The following C1orf141 variants were observed in gnomAD, a reference collection of about 807,000 sequenced individuals.
C1orf141 encodes the protein uncharacterized protein C1orf141.
C1orf141 carries 19 observed loss-of-function variants against 23.2 expected under a neutral mutation model. The observed-to-expected ratio is 0.82, with a 90% CI of 0.57 to 1.20. The LOEUF (loss-of-function observed/expected upper bound fraction) is 1.20. C1orf141 is among the 50% of genes most tolerant of loss of function. The probability of loss-of-function intolerance (pLI) is 0.00; values close to 1 mark genes in which losing one functional copy is unlikely to be tolerated. For synonymous variants in C1orf141, 153 were observed against 154.6 expected (o/e 0.99, Z 0.08); for missense variants, 469 against 455.1 (o/e 1.03, Z -0.28).
chr1:67,095,540 C>T, intron 6 of C1orf141, 119 bp from the exon 7 acceptor site: 1 of 584,888 alleles, frequency 1.7e-6, no homozygotes, highest in Admixed American at 3.6e-5. Flanking sequence ...CTCTCTCCCA[C>T]AGACTTTTCA....
chr1:67,140,825 A>T (rs969825365), intron 1 of C1orf141, among the ~76,000 whole-genome samples: 2 of 152,170 alleles, frequency 1.3e-5, no homozygotes, highest in Non-Finnish European at 2.9e-5. Context: ...TTATGTGTCA[A>T]CAATTGCATT....
intron 4 of C1orf141, chr1:67,121,873 A>T (rs936555211): frequency 6.6e-6 from 1 of 152,176 alleles, no homozygotes; most frequent in Non-Finnish European, 1.5e-5. Context: ...GAGTAATCAA[A>T]TTGCTGACCA....
At chr1:67,139,535 A>C (rs999399316), upstream of C1orf141, among the ~76,000 whole-genome samples, 6 of 152,134 alleles carry the variant, frequency 3.9e-5, no homozygotes, top group African/African-American at 1.4e-4. Flanking sequence ...TTTCCCCATA[A>C]GTCTTTTTCT....
At chr1:67,133,483 G>A (rs1045653387) in intron 1 of C1orf141, among the ~76,000 whole-genome samples, 16 of 152,270 alleles carry the variant, frequency 1.1e-4, no homozygotes, top group Non-Finnish European at 2.1e-4. Flanking sequence ...ACATTCCAAG[G>A]ATAGACTTAG....
intron 5 of C1orf141, among the ~76,000 whole-genome samples, chr1:67,100,486 C>A (rs1465607106): frequency 3.9e-5 from 6 of 152,104 alleles, no homozygotes; most frequent in Non-Finnish European, 7.3e-5. Context: ...TTTTACATTT[C>A]CAAATCTTAT....
upstream of C1orf141, among the ~76,000 whole-genome samples, chr1:67,135,906 CAAAA>C (rs59519661): frequency 4.8e-5 from 3 of 62,618 alleles, no homozygotes; most frequent in African/African-American, 7.6e-5. Context: ...GGCAAAACTG[CAAAA>C]AAAAAAAAAA....
rs1372473420 is a variant in C1orf141 at position 67,105,300 on chromosome 1, T to C, written c.347-8979A>G. 3.7e-5 allele frequency among the ~76,000 whole-genome samples: 5 copies of C among 134,972 alleles called. No individual in the cohort carries two copies. In the East Asian group the frequency reaches 6.5e-4, roughly 17 times the overall value. 88.5% of individuals were successfully genotyped at this position (134,972 alleles called of 152,430 possible). A position where few individuals can be genotyped will look rare whatever the true frequency, so the allele number is the denominator to read the frequency against. On this transcript the variant is annotated intron_variant, in intron 5 of 7. Coordinates refer to ENST00000684719, the MANE Select transcript of C1orf141 (RefSeq NM_001276351.2). ...GAGATCAAGCCACTGCACTCCAGCC[T>C]GAGCAACAGAGCGAGACTATTTCTC...
rs772175130 is a variant in C1orf141, at chr1:67,095,346, ATACT to A, written c.488_491del (p.Lys163IlefsTer4). 1.1e-5 allele frequency: 17 copies of A among 1,578,608 alleles called. No individual in the cohort carries two copies. Among genetic ancestry groups the A allele is most frequent in the African/African-American group, 4.1e-5 (3 of 73,470 alleles). On this transcript the variant is annotated frameshift_variant, in exon 7 of 8. Coordinates refer to ENST00000684719, the MANE Select transcript of C1orf141 (RefSeq NM_001276351.2). LOFTEE classifies it high-confidence loss of function. ...GCAAGCTTTTCTTTCTTACTGACCT[ATACT>A]TACTTAATTGATAATTTCTGACCGA...
At chr1:67,129,247 G>A (rs1214519755) in intron 2 of C1orf141, among the ~76,000 whole-genome samples, 2 of 151,850 alleles carry the variant, frequency 1.3e-5, no homozygotes, top group Non-Finnish European at 2.9e-5. Context: ...CTTGACCCTA[G>A]GAGTTTGAGA....
chr1:67,124,015 G>GGC (rs1646354538), intron 4 of C1orf141: 1 of 152,258 alleles, frequency 6.6e-6, no homozygotes, highest in East Asian at 1.9e-4. Context: ...ATGGGGTACA[G>GGC]TAGTGATGAA....
At chr1:67,121,065 A>G (rs1646289669) in intron 4 of C1orf141, among the ~76,000 whole-genome samples, 1 of 152,190 alleles carries the variant, frequency 6.6e-6, no homozygotes, top group South Asian at 2.1e-4. Context: ...CTAAGGGAAA[A>G]GTTGGAAACA....
chr1:67,093,328 C>T lies in C1orf141; in HGVS notation c.880G>A (p.Asp294Asn). Reference protein sequence around the residue: ...MSFKAGHTTVDDKLKKKTNKQ... With the variant: ...MSFKAGHTTVNDKLKKKTNKQ... ...TTAGTTTTCTTCTTTAGTTTATCAT[C>T]TACAGTTGTGTGGCCCGCTTTAAAA... Residue 294 changes from aspartate (D) to asparagine (N), a missense_variant, in exon 8 of 8, where the codon GAT (aspartate) becomes AAT (asparagine). Around this residue, in one of 3 missense-constraint regions of C1orf141, gnomAD observed 370 missense variants for 348.1 expected, o/e 1.06. Coordinates refer to ENST00000684719, the MANE Select transcript of C1orf141 (RefSeq NM_001276351.2). 1 of 1,613,740 alleles carries T rather than the reference C, an allele frequency of 6.2e-7. No homozygotes were observed. Among genetic ancestry groups the T allele is most frequent in the Non-Finnish European group, 8.5e-7 (1 of 1,179,726 alleles).
At chr1:67,106,454 C>T (rs564281440) in intron 5 of C1orf141, among the ~76,000 whole-genome samples, 3 of 152,038 alleles carry the variant, frequency 2.0e-5, no homozygotes, top group African/African-American at 2.4e-5. Context: ...CGAGACCAGC[C>T]TGGCCAACAT....
chr1:67,127,129 A>C, intron 3 of C1orf141, 37 bp downstream of exon 3: 2 of 1,352,152 alleles, frequency 1.5e-6, no homozygotes, highest in Non-Finnish European at 2.1e-6. Context: ...TTAACCTGTT[A>C]ATGATTAAAC....
intron 4 of C1orf141, chr1:67,123,227 A>G (rs1157212444): frequency 6.6e-6 from 1 of 151,832 alleles, no homozygotes; most frequent in East Asian, 1.9e-4. Context: ...ATAAATAAAA[A>G]TAAAAGTTCA....
intron 5 of C1orf141, among the ~76,000 whole-genome samples, chr1:67,114,966 G>A (rs1027200279): frequency 2.0e-5 from 3 of 152,206 alleles, no homozygotes; most frequent in Admixed American, 6.5e-5. Flanking sequence ...GTAAGCCAGC[G>A]TGCCCACCCA....
chr1:67,097,690 G>A (rs1027004704), intron 5 of C1orf141, among the ~76,000 whole-genome samples: 1 of 152,172 alleles, frequency 6.6e-6, no homozygotes, highest in Non-Finnish European at 1.5e-5. Flanking sequence ...TGCTTGCTCA[G>A]TGATGGATGG....
chr1:67,110,131 A>C (rs542809928), intron 5 of C1orf141, among the ~76,000 whole-genome samples: 1 of 152,290 alleles, frequency 6.6e-6, no homozygotes, highest in African/African-American at 2.4e-5. Flanking sequence ...TTCAAAGCTG[A>C]ATATAATAGT....
At chr1:67,140,800 CACTT>C (rs1432198767) in intron 1 of C1orf141, among the ~76,000 whole-genome samples, 3 of 152,064 alleles carry the variant, frequency 2.0e-5, no homozygotes, top group African/African-American at 7.2e-5. Flanking sequence ...ATTGAATTCT[CACTT>C]ATTAGATTTA....
Sources: allele counts gnomAD v4.1 joint callset (sites outside exome capture counted in the v4.1 genomes callset), GRCh38; gene constraint gnomAD v4.1.1; regional missense constraint gnomAD v4.1.1; transcripts MANE v1.5; gene names NCBI Gene and HGNC (gene_info 2026-07-23, HGNC 2026-07-21).